Variants in STXBP5L observed in about 807,000 individuals in gnomAD.
STXBP5L encodes syntaxin binding protein 5L.
A neutral mutation model predicts 144.5 loss-of-function variants in STXBP5L; 65 were observed. That is an observed-to-expected ratio of 0.45 (90% CI 0.37 to 0.55). The LOEUF (loss-of-function observed/expected upper bound fraction) is 0.55, where lower values mean the gene tolerates loss of function less well. Ranked by LOEUF, STXBP5L falls within the 20% of genes least tolerant of loss-of-function variation. The probability of loss-of-function intolerance (pLI) is 0.00; values close to 1 mark genes in which losing one functional copy is unlikely to be tolerated. For synonymous variants in STXBP5L, 505 were observed against 469.6 expected (o/e 1.08, Z -0.97); for missense variants, 1,298 against 1,405.5 (o/e 0.92, Z 1.22).
chr3:120,977,209 C>T (rs1355737509), intron 3 of STXBP5L, among the ~76,000 whole-genome samples: 1 of 152,130 alleles, frequency 6.6e-6, no homozygotes, highest in East Asian at 1.9e-4. Flanking sequence ...TAAGGACTTG[C>T]TTCATGAATC....
chr3:120,986,552 G>C (rs1471602953), intron 3 of STXBP5L, among the ~76,000 whole-genome samples: 5 of 151,886 alleles, frequency 3.3e-5, no homozygotes, highest in Non-Finnish European at 5.9e-5. Context: ...CATTAGATAA[G>C]TAAATATTGT....
intron 19 of STXBP5L, among the ~76,000 whole-genome samples, chr3:121,303,937 G>C (rs1312653862): frequency 1.3e-5 from 2 of 151,838 alleles, no homozygotes. Flanking sequence ...TAAATGATGA[G>C]TTAATGGGTG....
chr3:121,384,402 A>G (rs1375009344), intron 22 of STXBP5L, among the ~76,000 whole-genome samples: 1 of 152,060 alleles, frequency 6.6e-6, no homozygotes, highest in Admixed American at 6.6e-5. Flanking sequence ...AGTGGCTCAC[A>G]ATTGTAATCT....
rs139704161 is a variant in STXBP5L, at chr3:120,970,478, C to G, written c.287+15441C>G. The stretch of plus-strand genomic sequence containing the variant: ...TTTTGGATGGCAATTTTTCCCATCT[C>G]TTTTTCAATATAACATCCCATTATC... On this transcript the variant is annotated intron_variant, in intron 3 of 26. Coordinates refer to ENST00000471454, the MANE Select transcript of STXBP5L (RefSeq NM_001308330.2). 1.6e-3 allele frequency among the ~76,000 whole-genome samples: 251 copies of G among 152,162 alleles called. 3 individuals are homozygous for G. Among genetic ancestry groups the G allele is most frequent in the African/African-American group, 5.8e-3 (242 of 41,524 alleles).
chr3:121,298,006 T>C (rs1221428315), intron 19 of STXBP5L, among the ~76,000 whole-genome samples: 1 of 152,240 alleles, frequency 6.6e-6, no homozygotes, highest in Non-Finnish European at 1.5e-5. Flanking sequence ...AGAAGTAGGA[T>C]TGCTGGATCA....
At chr3:121,171,315 C>T (rs1400203214) in intron 9 of STXBP5L, among the ~76,000 whole-genome samples, 1 of 152,156 alleles carries the variant, frequency 6.6e-6, no homozygotes, top group Admixed American at 6.5e-5. Context: ...GATGGCATCT[C>T]TCACCACTGC....
chr3:121,404,710 A>T (rs2046957618), intron 22 of STXBP5L, among the ~76,000 whole-genome samples: 1 of 152,182 alleles, frequency 6.6e-6, no homozygotes, highest in African/African-American at 2.4e-5. Flanking sequence ...GATAGAAGAC[A>T]TGAAACTCCT....
At chr3:121,407,637 C>A (rs1173268107) in intron 23 of STXBP5L, 34 bp downstream of exon 23, 1 of 1,611,324 alleles carries the variant, frequency 6.2e-7, no homozygotes, top group South Asian at 1.1e-5. Flanking sequence ...CTGGTAATCA[C>A]AACAATACCA....
At chr3:121,312,668 G>A (rs1245489864) in intron 19 of STXBP5L, among the ~76,000 whole-genome samples, 4 of 150,834 alleles carry the variant, frequency 2.7e-5, no homozygotes, top group South Asian at 2.1e-4. Flanking sequence ...GACTCTTAAC[G>A]AGCATGCTGC....
chr3:121,054,503 A>G (rs375454826), intron 5 of STXBP5L, among the ~76,000 whole-genome samples: 1 of 149,244 alleles, frequency 6.7e-6, no homozygotes, highest in East Asian at 2.0e-4. Context: ...GAAAGCAAAC[A>G]CCGCATGTTC....
At chr3:121,243,086 T>C (rs1224360988) in intron 14 of STXBP5L, among the ~76,000 whole-genome samples, 1 of 152,210 alleles carries the variant, frequency 6.6e-6, no homozygotes, top group African/African-American at 2.4e-5. Context: ...CCTTTACTCA[T>C]GGCTTCACCT....
chr3:121,279,924 G>A lies in STXBP5L; in HGVS notation c.2078G>A (p.Arg693Gln), dbSNP rs199533470. Residue 693 changes from arginine (R) to glutamine (Q), a missense_variant, in exon 19 of 27, where the codon CGG (arginine) becomes CAG (glutamine). Arg to Gln is a conservative substitution (Grantham distance 43). Coordinates refer to ENST00000471454, the MANE Select transcript of STXBP5L (RefSeq NM_001308330.2). ...RSSDLYQRQPRSPRKNKQFIA... is the reference protein window; with the variant it reads ...RSSDLYQRQPQSPRKNKQFIA... ...AGTGACTTATACCAGCGACAACCACGGTCTCCTCGAAAAAACAAACAGTTC... is the reference window on the plus strand; with the variant it reads ...AGTGACTTATACCAGCGACAACCACAGTCTCCTCGAAAAAACAAACAGTTC... 2.9e-5 allele frequency: 47 copies of A among 1,611,774 alleles called. No homozygotes were observed. Among genetic ancestry groups the A allele is most frequent in the Non-Finnish European group, 2.5e-5 (30 of 1,178,592 alleles).
intron 5 of STXBP5L, among the ~76,000 whole-genome samples, chr3:121,062,069 T>C (rs1431544444): frequency 6.6e-6 from 1 of 152,238 alleles, no homozygotes; most frequent in Non-Finnish European, 1.5e-5. Flanking sequence ...TCGATGGTCT[T>C]TACAATTTGG....
At chr3:120,961,458 G>A (rs1302867000) in intron 3 of STXBP5L, among the ~76,000 whole-genome samples, 1 of 152,054 alleles carries the variant, frequency 6.6e-6, no homozygotes, top group South Asian at 2.1e-4. Context: ...AGTGTGTGAT[G>A]TTCCCCGCCC....
chr3:121,018,771 G>A (rs1945326102), intron 3 of STXBP5L, among the ~76,000 whole-genome samples: 1 of 152,184 alleles, frequency 6.6e-6, no homozygotes, highest in Admixed American at 6.5e-5. Context: ...CTAACTTGCA[G>A]CTACCACTTG....
At chr3:121,027,147 A>G (rs549063333) in intron 3 of STXBP5L, among the ~76,000 whole-genome samples, 5 of 152,102 alleles carry the variant, frequency 3.3e-5, no homozygotes, top group South Asian at 2.1e-4. Flanking sequence ...ATATATATGT[A>G]TATATCCATT....
intron 2 of STXBP5L, among the ~76,000 whole-genome samples, chr3:120,929,949 T>C (rs1709836284): frequency 6.6e-6 from 1 of 151,930 alleles, no homozygotes; most frequent in Non-Finnish European, 1.5e-5. Context: ...TAGTAATTTC[T>C]ATTAGCTTTT....
rs757127365 is a variant in STXBP5L, at chr3:121,318,500, A to G, written c.2136A>G (p.Pro712=). Residue 712 remains proline (P), a synonymous_variant, in exon 20 of 27, where the codon CCA becomes CCG. Coordinates refer to ENST00000471454, the MANE Select transcript of STXBP5L (RefSeq NM_001308330.2). ...GTTTAACTGAACTGAATGACAGTCCAGTTCCCCTAGAACTTGAGCGCTGCA... is the reference window on the plus strand; with the variant it reads ...GTTTAACTGAACTGAATGACAGTCCGGTTCCCCTAGAACTTGAGCGCTGCA... ...IAGLTELNDS[P]VPLELERCKS... is the part of the protein sequence containing the mutation. 1 of 1,563,966 alleles carries G rather than the reference A, an allele frequency of 6.4e-7. No homozygotes were observed. Among genetic ancestry groups the G allele is most frequent in the Admixed American group, 1.9e-5 (1 of 53,686 alleles).
chr3:121,151,491 C>A (rs965972472), intron 7 of STXBP5L, among the ~76,000 whole-genome samples: 2 of 152,058 alleles, frequency 1.3e-5, no homozygotes, highest in Non-Finnish European at 2.9e-5. Context: ...TGTAAGATGT[C>A]GAGATAAGTG....
Sources: allele counts gnomAD v4.1 joint callset (sites outside exome capture counted in the v4.1 genomes callset), GRCh38; gene constraint gnomAD v4.1.1; transcripts MANE v1.5; gene names NCBI Gene and HGNC (gene_info 2026-07-23, HGNC 2026-07-21).